Variants in PRAMEF15 observed in about 807,000 individuals in gnomAD.
PRAMEF15 encodes the protein PRAME family member 15, also known as PRAME family member 9/15.
In PRAMEF15, 21 loss-of-function variants were observed where a neutral mutation model predicts 35.3. The observed-to-expected ratio is 0.59, with a 90% CI of 0.42 to 0.86. The LOEUF is 0.86. PRAMEF15 is among the 40% of genes least tolerant of loss of function. PRAMEF15 has a pLI of 0.00. For synonymous variants in PRAMEF15, 122 were observed against 223.3 expected, an observed-to-expected ratio of 0.55 and a Z score of 4.05; for missense variants, 360 against 574.1, an observed-to-expected ratio of 0.63 and a Z score of 3.81.
At chr1:13,318,296 C>T in intron 1 of PRAMEF15, 96 bp from the exon 2 acceptor site, 2 of 1,590,376 alleles carry the variant, frequency 1.3e-6, no homozygotes. Flanking sequence ...ACTCTTTCAC[C>T]ATTGCCAGAG....
intron 3 of PRAMEF15, among the ~76,000 whole-genome samples, chr1:13,320,920 T>A (rs1169656218): frequency 3.9e-5 from 6 of 152,154 alleles, no homozygotes; most frequent in Non-Finnish European, 8.8e-5. Context: ...ATCTAGGCAA[T>A]GCATGATTCT....
chr1:13,320,534 C>T (rs1341543564), intron 3 of PRAMEF15, among the ~76,000 whole-genome samples: 1 of 152,074 alleles, frequency 6.6e-6, no homozygotes, highest in Non-Finnish European at 1.5e-5. Context: ...TGCGATTCTC[C>T]TGTCTCAGCC....
chr1:13,320,975 T>G (rs1398996181), intron 3 of PRAMEF15, among the ~76,000 whole-genome samples: 1 of 151,990 alleles, frequency 6.6e-6, no homozygotes, highest in African/African-American at 2.4e-5. Flanking sequence ...GTGAAAGTGA[T>G]AGATGGTTTG....
At chr1:13,319,333 A>C (rs1432048013) in intron 2 of PRAMEF15, 39 bp from the exon 3 acceptor site, 2 of 1,605,762 alleles carry the variant, frequency 1.2e-6, no homozygotes, top group East Asian at 4.5e-5. Flanking sequence ...TTCAGAAATG[A>C]GTTCTTAAAT....
chr1:13,321,800 C>T lies in PRAMEF15; in HGVS notation c.973C>T (p.Leu325=). 6.2e-7 allele frequency: 1 copy of T among 1,608,610 alleles called. No individual in the cohort carries two copies. The highest frequency in any genetic ancestry group is 8.5e-7 in the Non-Finnish European group (1 of 1,177,668). ...HLSQCPSISQ[L]KTLDLSGIRL... is the part of the protein sequence containing the mutation. ...ATCCCAGTGCCCGAGTATCAGTCAA[C>T]TAAAGACCCTGGACCTGAGTGGCAT... Residue 325 remains leucine (L), a synonymous_variant, in exon 4 of 4, where the codon CTA becomes TTA. Transcript: ENST00000376152.
chr1:13,317,246 T>G (rs1313767472), intron 1 of PRAMEF15, among the ~76,000 whole-genome samples: 1 of 151,754 alleles, frequency 6.6e-6, no homozygotes. Flanking sequence ...ATTTTTGCTG[T>G]CTTAGTAGAG....
At chr1:13,316,196 G>C (rs1480352275) in intron 1 of PRAMEF15, among the ~76,000 whole-genome samples, 1 of 150,704 alleles carries the variant, frequency 6.6e-6, no homozygotes, top group Non-Finnish European at 1.5e-5. Context: ...TAGAGGTGGG[G>C]TTTCACCACG....
At chr1:13,317,996 C>T in intron 1 of PRAMEF15, among the ~76,000 whole-genome samples, 1 of 151,942 alleles carries the variant, frequency 6.6e-6, no homozygotes, top group Admixed American at 6.6e-5. Flanking sequence ...ATGAATGTTC[C>T]CAACAAGCTT....
chr1:13,319,183 G>C (rs1407161670), intron 2 of PRAMEF15, among the ~76,000 whole-genome samples, 189 bp from the exon 3 acceptor site: 453 of 142,080 alleles, frequency 3.2e-3, no homozygotes, highest in East Asian at 0.029. Flanking sequence ...GACACAGGGA[G>C]ACTTGGTCTC....
At chr1:13,316,087 C>T (rs1204141380) in intron 1 of PRAMEF15, among the ~76,000 whole-genome samples, 3,193 of 144,144 alleles carry the variant, frequency 0.022, no homozygotes, top group East Asian at 0.14. Flanking sequence ...GCAACCTTTA[C>T]TTCCCGGGTT....
At chr1:13,316,497 C>T (rs1297027949) in intron 1 of PRAMEF15, among the ~76,000 whole-genome samples, 2 of 151,726 alleles carry the variant, frequency 1.3e-5, no homozygotes, top group Non-Finnish European at 2.9e-5. Context: ...CCTCTTCCAC[C>T]CAAATGGAGA....
At chr1:13,316,245 C>G (rs1161726377) in intron 1 of PRAMEF15, among the ~76,000 whole-genome samples, 1 of 151,618 alleles carries the variant, frequency 6.6e-6, no homozygotes, top group Non-Finnish European at 1.5e-5. Context: ...CTCAAGTGAT[C>G]CACCTGCCTT....
intron 1 of PRAMEF15, 60 bp from the exon 2 acceptor site, chr1:13,318,332 T>C (rs1193217478): frequency 3.9e-6 from 6 of 1,529,364 alleles, no homozygotes; most frequent in Middle Eastern, 2.4e-4. Context: ...TAGGAGAAGA[T>C]GAGATTGCAT....
intron 2 of PRAMEF15, among the ~76,000 whole-genome samples, chr1:13,318,978 T>C (rs1245167037): frequency 6.6e-5 from 10 of 152,006 alleles, no homozygotes; most frequent in African/African-American, 1.7e-4. Context: ...ATTGGGAGGC[T>C]GAGGTCAAGA....
At chr1:13,316,674 A>G (rs1640009635) in intron 1 of PRAMEF15, among the ~76,000 whole-genome samples, 1 of 151,886 alleles carries the variant, frequency 6.6e-6, no homozygotes, top group Non-Finnish European at 1.5e-5. Context: ...AAAAAAAATT[A>G]TATGACCCAG....
At chr1:13,320,325 G>C (rs1557446830) in intron 3 of PRAMEF15, among the ~76,000 whole-genome samples, 1 of 152,124 alleles carries the variant, frequency 6.6e-6, no homozygotes, top group African/African-American at 2.4e-5. Flanking sequence ...TTGGGAGTCT[G>C]AGGCAAGAGG....
intron 1 of PRAMEF15, among the ~76,000 whole-genome samples, chr1:13,317,464 C>G (rs1399841105): frequency 1.3e-5 from 2 of 151,960 alleles, no homozygotes; most frequent in Non-Finnish European, 2.9e-5. Context: ...TTCAAAGCTT[C>G]TCACTGAAAT....
chr1:13,320,881 G>A (rs1294293386), intron 3 of PRAMEF15, among the ~76,000 whole-genome samples: 3 of 152,068 alleles, frequency 2.0e-5, no homozygotes, highest in Non-Finnish European at 4.4e-5. Flanking sequence ...TGTTGTAAAA[G>A]TTTCTTTTGA....
intron 1 of PRAMEF15, among the ~76,000 whole-genome samples, chr1:13,316,449 A>C (rs1302873474): frequency 1.3e-5 from 2 of 151,546 alleles, no homozygotes; most frequent in Non-Finnish European, 2.9e-5. Flanking sequence ...AAAATCAATC[A>C]AAAAGGATCT....
Sources: allele counts gnomAD v4.1 joint callset (sites outside exome capture counted in the v4.1 genomes callset), GRCh38; gene constraint gnomAD v4.1.1; transcripts MANE v1.5; gene names NCBI Gene and HGNC (gene_info 2026-07-23, HGNC 2026-07-21).